The following ASTN2 variants were observed in gnomAD, a reference collection of about 807,000 sequenced individuals.
The protein encoded by ASTN2 is astrotactin 2, also known as astrotactin-2.
A neutral mutation model predicts 139.8 loss-of-function variants in ASTN2; 54 were observed. That is an observed-to-expected ratio of 0.39 (90% CI 0.31 to 0.48). The LOEUF (loss-of-function observed/expected upper bound fraction) is 0.48. ASTN2 is among the 20% of genes least tolerant of loss of function. ASTN2 has a pLI of 0.95. For synonymous variants in ASTN2, 756 were observed against 719.5 expected (o/e 1.05, Z -0.81); for missense variants, 1,565 against 1,725.1 (o/e 0.91, Z 1.64).
At chr9:116,565,420 TA>T (rs1564120567) in intron 19 of ASTN2, among the ~76,000 whole-genome samples, 61 of 124,376 alleles carry the variant, frequency 4.9e-4, no homozygotes, top group East Asian at 3.3e-3. Context: ...TATATATATA[TA>T]TATATATATT....
chr9:116,423,795 T>C lies in ASTN2; in HGVS notation c.*2056A>G, dbSNP rs890923962. ...GTGTTACCCATTTTCCCCATATGGA[T>C]TGAAGTCCTGGGGAAAAAAATGCGC... On this transcript the variant is annotated 3_prime_UTR_variant, in exon 23 of 23. Coordinates refer to ENST00000313400, the MANE Select transcript of ASTN2 (RefSeq NM_001365068.1). Among the ~76,000 whole-genome samples the C allele has an allele frequency of 1.3e-5, 2 of 152,146 alleles. No individual in the cohort carries two copies. Among genetic ancestry groups the C allele is most frequent in the Non-Finnish European group, 2.9e-5 (2 of 68,028 alleles).
intron 17 of ASTN2, among the ~76,000 whole-genome samples, chr9:116,641,421 C>A (rs1857323312): frequency 6.6e-6 from 1 of 152,110 alleles, no homozygotes; most frequent in Non-Finnish European, 1.5e-5. Context: ...TTTAGCTTCT[C>A]CATGCCTCAG....
At chr9:116,597,370 C>T (rs915620738) in intron 19 of ASTN2, among the ~76,000 whole-genome samples, 1 of 126,024 alleles carries the variant, frequency 7.9e-6, no homozygotes, top group South Asian at 2.9e-4. Context: ...TGCAGTGGTG[C>T]GATCTTGGCT....
chr9:117,061,994 A>C (rs779099790), intron 5 of ASTN2, among the ~76,000 whole-genome samples: 31 of 152,212 alleles, frequency 2.0e-4, no homozygotes, highest in Admixed American at 3.3e-4. Context: ...TAAGGTGCTC[A>C]AGGAAACTGA....
At chr9:116,994,124 C>A (rs755861067) in intron 7 of ASTN2, among the ~76,000 whole-genome samples, 1 of 151,646 alleles carries the variant, frequency 6.6e-6, no homozygotes, top group Non-Finnish European at 1.5e-5. Context: ...TAAATGAATT[C>A]AATAGACCAG....
chr9:116,937,849 T>C (rs1193990448), intron 10 of ASTN2, among the ~76,000 whole-genome samples: 1 of 152,246 alleles, frequency 6.6e-6, no homozygotes, highest in Non-Finnish European at 1.5e-5. Context: ...GAGATAAATG[T>C]GACATCTTTT....
At chr9:117,333,707 T>C (rs1828788048) in intron 1 of ASTN2, among the ~76,000 whole-genome samples, 2 of 152,232 alleles carry the variant, frequency 1.3e-5, no homozygotes, top group South Asian at 4.1e-4. Flanking sequence ...TTTCACCATG[T>C]TGGCCAGGCT....
intron 5 of ASTN2, among the ~76,000 whole-genome samples, chr9:117,079,097 T>G (rs868830655): frequency 7.9e-5 from 12 of 152,316 alleles, no homozygotes; most frequent in African/African-American, 2.6e-4. Context: ...GAATCACACC[T>G]GTAATCCCAG....
intron 16 of ASTN2, among the ~76,000 whole-genome samples, chr9:116,713,386 G>T (rs904238753): frequency 4.6e-5 from 7 of 152,050 alleles, no homozygotes; most frequent in African/African-American, 1.2e-4. Flanking sequence ...GACAACTAAG[G>T]CCAGCTCCTA....
chr9:117,048,963 C>CTTTTTT lies in ASTN2; in HGVS notation c.1277-9004_1277-8999dup, dbSNP rs372277811. Among the ~76,000 whole-genome samples the CTTTTTT allele has an allele frequency of 3.7e-4, 33 of 89,032 alleles. 1 individual carries two copies. Among genetic ancestry groups the CTTTTTT allele is most frequent in the African/African-American group, 8.4e-4 (21 of 25,000 alleles). The allele number at this position is 89,032 out of a possible 152,430, so 58.4% of individuals were successfully genotyped here. ...GTGCGCTCTGATTCTTCATCCATTG[C>CTTTTTT]TTTTTTTTTTTTTTTTTGAGACGGA... On this transcript the variant is annotated intron_variant, in intron 5 of 22. Coordinates refer to ENST00000313400, the MANE Select transcript of ASTN2 (RefSeq NM_001365068.1).
At chr9:117,024,052 C>T (rs1352436549) in intron 6 of ASTN2, among the ~76,000 whole-genome samples, 1 of 152,076 alleles carries the variant, frequency 6.6e-6, no homozygotes, top group East Asian at 1.9e-4. Flanking sequence ...GAAGCTGAGG[C>T]CAATTTCCTT....
chr9:116,756,057 T>C (rs1299304661), intron 13 of ASTN2, among the ~76,000 whole-genome samples: 1 of 152,236 alleles, frequency 6.6e-6, no homozygotes, highest in Non-Finnish European at 1.5e-5. Flanking sequence ...AAGTCTGTGG[T>C]AATTTGTTAC....
intron 3 of ASTN2, among the ~76,000 whole-genome samples, chr9:117,181,756 T>C (rs1831072899): frequency 6.6e-6 from 1 of 152,216 alleles, no homozygotes; most frequent in African/African-American, 2.4e-5. Context: ...GTACAAAGCA[T>C]AGCACTTGGA....
intron 19 of ASTN2, among the ~76,000 whole-genome samples, chr9:116,549,885 C>T (rs902845142): frequency 2.3e-5 from 3 of 130,434 alleles, no homozygotes; most frequent in Non-Finnish European, 3.4e-5. Flanking sequence ...CCCATAAAGC[C>T]ATTTATTAAA....
intron 16 of ASTN2, among the ~76,000 whole-genome samples, chr9:116,721,725 G>A (rs1350010883): frequency 6.6e-6 from 1 of 152,126 alleles, no homozygotes; most frequent in African/African-American, 2.4e-5. Flanking sequence ...CCTGTTCGGT[G>A]TTCCAGTCCC....
intron 1 of ASTN2, among the ~76,000 whole-genome samples, chr9:117,351,420 T>C (rs1366668637): frequency 5.9e-5 from 9 of 152,174 alleles, no homozygotes; most frequent in African/African-American, 1.2e-4. Flanking sequence ...AAAATCTGAA[T>C]TCCCAAATCT....
At chr9:116,978,643 T>C (rs1836425214) in intron 7 of ASTN2, among the ~76,000 whole-genome samples, 1 of 152,156 alleles carries the variant, frequency 6.6e-6, no homozygotes, top group African/African-American at 2.4e-5. Context: ...TATGCAAATT[T>C]TATATTTTAA....
At chr9:116,601,766 G>A (rs1433011067) in intron 19 of ASTN2, among the ~76,000 whole-genome samples, 1 of 152,210 alleles carries the variant, frequency 6.6e-6, no homozygotes, top group Non-Finnish European at 1.5e-5. Flanking sequence ...AATGTGTTGA[G>A]TTTGAATTGC....
chr9:117,316,615 A>G (rs964422963), intron 1 of ASTN2, among the ~76,000 whole-genome samples: 4 of 152,116 alleles, frequency 2.6e-5, no homozygotes. Flanking sequence ...ATCTGCTGGT[A>G]TGCACTCTGG....
Sources: gnomAD v4.1 joint callset for allele counts (sites outside exome capture counted in the v4.1 genomes callset) on GRCh38, gnomAD v4.1.1 for gene constraint, MANE v1.5 for transcripts, NCBI Gene and HGNC (gene_info 2026-07-23, HGNC 2026-07-21) for gene names.